MSR1: variants seen among roughly 807,000 people sequenced by gnomAD.
MSR1 encodes macrophage scavenger receptor 1.
In MSR1, 53 loss-of-function variants were observed where a neutral mutation model predicts 47.2. The observed-to-expected ratio is 1.12, with a 90% CI of 0.90 to 1.41. The LOEUF (loss-of-function observed/expected upper bound fraction) is 1.41, where lower values mean the gene tolerates loss of function less well. Among genes scored for constraint, MSR1 ranks in the 40% most tolerant of loss-of-function variants. The pLI is 0.00. For missense variants in MSR1, 786 were observed against 546.9 expected, an observed-to-expected ratio of 1.44 and a Z score of -4.36; for synonymous variants, 239 against 185.6, an observed-to-expected ratio of 1.29 and a Z score of -2.34.
At chr8:16,158,007 A>G (rs1801058034) in intron 5 of MSR1, among the ~76,000 whole-genome samples, 1 of 151,962 alleles carries the variant, frequency 6.6e-6, no homozygotes, top group Admixed American at 6.6e-5. Flanking sequence ...CGTAGTTTCC[A>G]TTTAGTCTTT....
chr8:16,189,031 G>T, intron 1 of MSR1, among the ~76,000 whole-genome samples: 2 of 142,760 alleles, frequency 1.4e-5, no homozygotes, highest in African/African-American at 5.1e-5. Flanking sequence ...GAATTATTAT[G>T]TAGCAAAGAC....
chr8:16,159,721 G>A (rs980292383), intron 5 of MSR1, among the ~76,000 whole-genome samples: 1 of 151,880 alleles, frequency 6.6e-6, no homozygotes, highest in Non-Finnish European at 1.5e-5. Flanking sequence ...AAGAGAATAT[G>A]AGATACTTTT....
intron 1 of MSR1, among the ~76,000 whole-genome samples, chr8:16,181,343 C>G (rs1051150450): frequency 2.0e-5 from 3 of 152,096 alleles, no homozygotes; most frequent in Non-Finnish European, 2.9e-5. Flanking sequence ...TCTCCATATC[C>G]TCTCCAGCAT....
chr8:16,126,073 TATTTA>T (rs901692207), intron 8 of MSR1, among the ~76,000 whole-genome samples: 3 of 152,152 alleles, frequency 2.0e-5, no homozygotes, highest in Non-Finnish European at 2.9e-5. Context: ...AAATATATTT[TATTTA>T]AAGAAGGAAA....
intron 5 of MSR1, among the ~76,000 whole-genome samples, chr8:16,160,620 A>C (rs1231281346): frequency 2.6e-5 from 4 of 152,062 alleles, no homozygotes; most frequent in Non-Finnish European, 4.4e-5. Flanking sequence ...ATCATGGTAG[A>C]GAGAGATGGG....
intron 5 of MSR1, among the ~76,000 whole-genome samples, chr8:16,161,033 AT>A (rs201538682): frequency 0.16 from 21,517 of 130,772 alleles, 1,893 homozygotes; most frequent in East Asian, 0.49. Context: ...CTTAAATAGC[AT>A]TTTTTTTTTT....
intron 4 of MSR1, among the ~76,000 whole-genome samples, chr8:16,164,511 A>G (rs1162805049): frequency 2.6e-5 from 4 of 151,974 alleles, no homozygotes; most frequent in Non-Finnish European, 5.9e-5. Context: ...ATATGTTTCT[A>G]TTCCTATATA....
chr8:16,150,173 A>AT (rs1554468255), intron 7 of MSR1, 58 bp downstream of exon 7: 4 of 316,880 alleles, frequency 1.3e-5, no homozygotes, highest in South Asian at 5.9e-5. Context: ...TATATATATA[A>AT]AATTATCTGG....
intron 2 of MSR1, among the ~76,000 whole-genome samples, chr8:16,176,012 G>A (rs540964288): frequency 2.2e-4 from 33 of 152,102 alleles, no homozygotes; most frequent in African/African-American, 7.5e-4. Flanking sequence ...CAATATAAAG[G>A]GGAAACAGTA....
intron 4 of MSR1, among the ~76,000 whole-genome samples, chr8:16,165,060 C>T (rs773384957): frequency 1.1e-4 from 16 of 151,964 alleles, no homozygotes; most frequent in Non-Finnish European, 2.2e-4. Context: ...TTGAGCTGTG[C>T]ACTTTTCTAC....
chr8:16,154,033 C>A (rs1800932434), intron 6 of MSR1, among the ~76,000 whole-genome samples: 2 of 151,752 alleles, frequency 1.3e-5, no homozygotes, highest in Middle Eastern at 3.4e-3. Flanking sequence ...GGATGTATAT[C>A]ATCTATCTTC....
chr8:16,158,848 G>T (rs977843193), intron 5 of MSR1, among the ~76,000 whole-genome samples: 5 of 148,416 alleles, frequency 3.4e-5, no homozygotes, highest in Admixed American at 1.4e-4. Flanking sequence ...TTCCACATCT[G>T]TTCTTCCATT....
intron 1 of MSR1, among the ~76,000 whole-genome samples, chr8:16,178,776 G>A (rs1801736970): frequency 6.6e-6 from 1 of 151,958 alleles, no homozygotes; most frequent in South Asian, 2.1e-4. Flanking sequence ...GTTGTTTCCT[G>A]ACTTTTTAAT....
intron 8 of MSR1, among the ~76,000 whole-genome samples, chr8:16,134,212 T>C (rs2117091040): frequency 6.6e-6 from 1 of 152,286 alleles, no homozygotes; most frequent in Middle Eastern, 3.4e-3. Context: ...TTTAGCAATA[T>C]TTATGTGGCT....
At chr8:16,183,178 CAT>C (rs1368152702) in intron 1 of MSR1, among the ~76,000 whole-genome samples, 5 of 152,122 alleles carry the variant, frequency 3.3e-5, no homozygotes, top group African/African-American at 4.8e-5. Context: ...CCCTTCTCCA[CAT>C]GTTTGATTAT....
intron 9 of MSR1, among the ~76,000 whole-genome samples, chr8:16,116,555 A>G (rs948853421): frequency 2.0e-5 from 3 of 152,154 alleles, no homozygotes; most frequent in African/African-American, 7.2e-5. Context: ...GTAACTTCAC[A>G]TGAGACTAAA....
chr8:16,134,043 T>A (rs1800326420), intron 8 of MSR1, among the ~76,000 whole-genome samples: 1 of 152,198 alleles, frequency 6.6e-6, no homozygotes, highest in African/African-American at 2.4e-5. Context: ...GGGTTCATCT[T>A]CAATATTTTC....
intron 1 of MSR1, among the ~76,000 whole-genome samples, chr8:16,181,735 A>T (rs1259821045): frequency 6.6e-6 from 1 of 152,066 alleles, no homozygotes; most frequent in Non-Finnish European, 1.5e-5. Flanking sequence ...CCACCATGGC[A>T]TGTGTATACC....
intron 7 of MSR1, among the ~76,000 whole-genome samples, chr8:16,149,662 T>A (rs1800793787): frequency 6.6e-6 from 1 of 152,242 alleles, no homozygotes; most frequent in South Asian, 2.1e-4. Context: ...TATCATCATG[T>A]GTGTACATTT....
Sources: allele counts gnomAD v4.1 joint callset (sites outside exome capture counted in the v4.1 genomes callset), GRCh38; gene constraint gnomAD v4.1.1; transcripts MANE v1.5; gene names NCBI Gene and HGNC (gene_info 2026-07-23, HGNC 2026-07-21).